The following TMEM216 variants were observed in gnomAD, a reference collection of about 807,000 sequenced individuals.
The protein encoded by TMEM216 is transmembrane protein 216.
A neutral mutation model predicts 17.8 loss-of-function variants in TMEM216; 15 were observed. That is an observed-to-expected ratio of 0.84 (90% CI 0.56 to 1.30). The LOEUF (loss-of-function observed/expected upper bound fraction) is 1.30, where lower values mean the gene tolerates loss of function less well. Ranked by LOEUF, TMEM216 falls within the 50% of genes most tolerant of loss-of-function variation. The pLI is 0.00. For synonymous variants in TMEM216, 58 were observed against 73.5 expected (o/e 0.79, Z 1.08); for missense variants, 160 against 175.7 (o/e 0.91, Z 0.51).
intron 3 of TMEM216, chr11:61,394,404 C>G (rs1200453583): frequency 6.4e-6 from 1 of 155,606 alleles, no homozygotes; most frequent in East Asian, 1.9e-4. Flanking sequence ...GAGTCTCACT[C>G]TGTCCCCAGG....
At position 61,398,356 on chromosome 11, in the gene TMEM216, T is replaced by A. The variant is rs373502944; in HGVS notation, c.*80T>A. 8 of 1,475,996 alleles carry A rather than the reference T, an allele frequency of 5.4e-6. No homozygotes were observed. In the South Asian group the frequency reaches 5.9e-5, roughly 11 times the overall value. The allele number at this position is 1,475,996 out of a possible 1,614,324, so 91.4% of individuals were successfully genotyped here. A position where few individuals can be genotyped will look rare whatever the true frequency, so the allele number is the denominator to read the frequency against. On this transcript the variant is annotated 3_prime_UTR_variant, in exon 5 of 5. Coordinates refer to ENST00000515837, the MANE Select transcript of TMEM216 (RefSeq NM_001173990.3). ...GGTACTTTAGCCACACCAGTGAGAA[T>A]TGGTGGGGCAAGTTGTCCTGAGAAA...
chr11:61,393,178 C>A, intron 1 of TMEM216, 53 bp from the exon 2 acceptor site: 2 of 1,374,828 alleles, frequency 1.5e-6, no homozygotes, highest in Non-Finnish European at 2.0e-6. Flanking sequence ...CCCATACGAG[C>A]AGAGAGGGAG....
Position 61,398,382 on chromosome 11 carries a change from G to A in TMEM216, c.*106G>A. 2 of 1,244,228 alleles carry A rather than the reference G, an allele frequency of 1.6e-6. No individual in the cohort carries two copies. The highest frequency in any genetic ancestry group is 1.1e-6 in the Non-Finnish European group (1 of 877,206). The allele number at this position is 1,244,228 out of a possible 1,614,324, so 77.1% of individuals were successfully genotyped here. A position where few individuals can be genotyped will look rare whatever the true frequency, so the allele number is the denominator to read the frequency against. On this transcript the variant is annotated 3_prime_UTR_variant, in exon 5 of 5. Coordinates refer to ENST00000515837, the MANE Select transcript of TMEM216 (RefSeq NM_001173990.3). ...TGGTGGGGCAAGTTGTCCTGAGAAAGGCTGTGTGGCTTTTCTTCAGCACAG... is the reference window on the plus strand; with the variant it reads ...TGGTGGGGCAAGTTGTCCTGAGAAAAGCTGTGTGGCTTTTCTTCAGCACAG...
chr11:61,396,782 C>T (rs1447451935), intron 3 of TMEM216, among the ~76,000 whole-genome samples: 2 of 148,502 alleles, frequency 1.3e-5, no homozygotes, highest in East Asian at 3.9e-4. Context: ...TGACAAGAAA[C>T]TCCGTCTCAA....
chr11:61,397,659 C>A (rs1204287320), intron 3 of TMEM216, 115 bp from the exon 4 acceptor site: 2 of 882,534 alleles, frequency 2.3e-6, no homozygotes, highest in Non-Finnish European at 3.6e-6. Flanking sequence ...AATCTGCACA[C>A]CCCCACTCAG....
Position 61,392,647 on chromosome 11 carries a change from C to T in TMEM216, c.16C>T (p.Leu6=), listed in dbSNP as rs767812535. The part of the protein sequence containing the change: MLPRG[L]KMAPRGKRLS... ...GTGGCAGCGTATGCTGCCACGGGGA[C>T]TGAAGATGGCGCCGCGAGGTGAGAT... The change falls in exon 1 of 5, where the codon CTG becomes TTG. Residue 6 remains leucine, a synonymous_variant. Transcript: ENST00000515837. 1 of 1,535,980 alleles carries T rather than the reference C, an allele frequency of 6.5e-7. No homozygotes were observed. Among genetic ancestry groups the T allele is most frequent in the Non-Finnish European group, 8.7e-7 (1 of 1,146,912 alleles).
In TMEM216 at chr11:61,398,622, T is replaced by C. The variant is rs1858855829; in HGVS notation, c.*346T>C. 3.2e-6 allele frequency: 1 copy of C among 313,972 alleles called. No homozygotes were observed. The highest frequency in any genetic ancestry group is 5.9e-6 in the Non-Finnish European group (1 of 169,450). 19.4% of individuals were successfully genotyped at this position (313,972 alleles called of 1,614,324 possible). On this transcript the variant is annotated 3_prime_UTR_variant, in exon 5 of 5. Transcript: ENST00000515837. ...TGTGGACCATCTAGGCTCCTTGGGCTTCAAGCAGGACCTGAGCCACATGCT... is the reference window on the plus strand; with the variant it reads ...TGTGGACCATCTAGGCTCCTTGGGCCTCAAGCAGGACCTGAGCCACATGCT...
chr11:61,393,126 C>G (rs1041634578), intron 1 of TMEM216, 105 bp from the exon 2 acceptor site: 2 of 894,190 alleles, frequency 2.2e-6, no homozygotes, highest in Non-Finnish European at 3.3e-6. Flanking sequence ...GTGGCCGGTC[C>G]CATTAGTTGC....
Position 61,392,591 on chromosome 11 carries a change from C to G in TMEM216, c.-41C>G. 4 of 1,532,206 alleles carry G rather than the reference C, an allele frequency of 2.6e-6. No homozygotes were observed. Among genetic ancestry groups the G allele is most frequent in the Non-Finnish European group, 3.5e-6 (4 of 1,144,458 alleles). 94.9% of individuals were successfully genotyped at this position (1,532,206 alleles called of 1,614,324 possible). A position where few individuals can be genotyped will look rare whatever the true frequency, so the allele number is the denominator to read the frequency against. On this transcript the variant is annotated 5_prime_UTR_variant, in exon 1 of 5. Coordinates refer to ENST00000515837, the MANE Select transcript of TMEM216 (RefSeq NM_001173990.3). Reference sequence around the variant, plus strand: ...AACCCAGGCCGCTTCGTCCCTGTTTCCGGCAGCGCCGCGCTGCTCCGGGAG... The same window carrying G: ...AACCCAGGCCGCTTCGTCCCTGTTTGCGGCAGCGCCGCGCTGCTCCGGGAG...
At chr11:61,392,698 C>T (rs1281870888) in intron 1 of TMEM216, 33 bp downstream of exon 1, 2 of 1,536,068 alleles carry the variant, frequency 1.3e-6, no homozygotes, top group Non-Finnish European at 1.7e-6. Context: ...GTCGCTGGTC[C>T]CTTTCCCTTC....
chr11:61,397,858 A>G lies in TMEM216; in HGVS notation c.314A>G (p.Tyr105Cys). Residue 105 changes from tyrosine to cysteine, a missense_variant, in exon 4 of 5, where the codon TAT becomes TGT. Tyr to Cys is a radical substitution (Grantham distance 194). Transcript: ENST00000515837. ...LTFPSAMMAS[Y>C]YLLLQTYVLR... ...TTCCCATCTGCCATGATGGCCTCCT[A>G]TTACCTGCTGCTGCAGACCTACGTA... 1.2e-6 allele frequency: 2 copies of G among 1,613,900 alleles called. No individual in the cohort carries two copies. Among genetic ancestry groups the G allele is most frequent in the Non-Finnish European group, 1.7e-6 (2 of 1,179,870 alleles).
chr11:61,394,723 G>C (rs1477942560), intron 3 of TMEM216, among the ~76,000 whole-genome samples: 1 of 145,172 alleles, frequency 6.9e-6, no homozygotes, highest in Non-Finnish European at 1.5e-5. Flanking sequence ...CTGGAGTGCA[G>C]TGGCACCATC....
At position 61,393,660 on chromosome 11, in the gene TMEM216, G is replaced by T. The variant is rs997214395; in HGVS notation, c.137-224G>T. On this transcript the variant is annotated intron_variant, in intron 2 of 4. Coordinates refer to ENST00000515837, the MANE Select transcript of TMEM216 (RefSeq NM_001173990.3). ...TACCCATGTACATCCAATCATTTTG[G>T]AGAGTGGAGTCCCCAGAGACTTTTG... Among the ~76,000 whole-genome samples the T allele has an allele frequency of 6.6e-6, 1 of 152,176 alleles. No individual in the cohort carries two copies. Among genetic ancestry groups the T allele is most frequent in the South Asian group, 2.1e-4 (1 of 4,828 alleles).
intron 3 of TMEM216, among the ~76,000 whole-genome samples, chr11:61,395,755 C>A (rs1233082849): frequency 1.3e-5 from 2 of 151,054 alleles, no homozygotes; most frequent in African/African-American, 4.9e-5. Flanking sequence ...TGGTAAGGGA[C>A]ATTAATGGCA....
intron 3 of TMEM216, among the ~76,000 whole-genome samples, chr11:61,394,915 T>C (rs1219360032): frequency 1.3e-5 from 2 of 152,214 alleles, no homozygotes; most frequent in African/African-American, 4.8e-5. Context: ...TCCACCCGCC[T>C]TGGCCTCCCA....
Position 61,396,960 on chromosome 11 carries a change from G to A in TMEM216, c.230-814G>A, listed in dbSNP as rs368516393. Among the ~76,000 whole-genome samples the A allele has an allele frequency of 2.6e-5, 4 of 151,722 alleles. No homozygotes were observed. The East Asian group carries it at 7.7e-4, about 29-fold the overall frequency. On this transcript the variant is annotated intron_variant, in intron 3 of 4. Coordinates refer to ENST00000515837, the MANE Select transcript of TMEM216 (RefSeq NM_001173990.3). The stretch of plus-strand genomic sequence containing the variant: ...AAAAAAAAAAAATTAAGGTAGCTAT[G>A]TGTGTGGAAAAATGTTTGTGGGGGA...
chr11:61,392,827 C>A, intron 1 of TMEM216, 162 bp downstream of exon 1: 2 of 1,501,090 alleles, frequency 1.3e-6, no homozygotes, highest in Non-Finnish European at 1.8e-6. Context: ...ACCCTGGGTG[C>A]CTGAAGGTCT....
At chr11:61,394,236 T>C in intron 3 of TMEM216, 1 of 458,926 alleles carries the variant, frequency 2.2e-6, no homozygotes, top group Non-Finnish European at 4.0e-6. Context: ...GCAAGAAGAG[T>C]GCTTGGTTCT....
Position 61,393,329 on chromosome 11 carries a change from AAAGGT to A in TMEM216, c.136+2_136+6del. 1 of 1,531,376 alleles carries A rather than the reference AAAGGT, an allele frequency of 6.5e-7. No individual in the cohort carries two copies. Among genetic ancestry groups the A allele is most frequent in the Non-Finnish European group, 8.8e-7 (1 of 1,142,610 alleles). The allele number at this position is 1,531,376 out of a possible 1,614,324, so 94.9% of individuals were successfully genotyped here. A position where few individuals can be genotyped will look rare whatever the true frequency, so the allele number is the denominator to read the frequency against. On this transcript the variant is annotated splice_donor_variant and coding_sequence_variant, in exon 2 of 5. Coordinates refer to ENST00000515837, the MANE Select transcript of TMEM216 (RefSeq NM_001173990.3). LOFTEE classifies it high-confidence loss of function. ...GCTGGAACTTTTCATATTTCTGTAT[AAAGGT>A]AAGGAAGGCTTGGGGCTTGACGACA...
Sources: gnomAD v4.1 joint callset for allele counts (sites outside exome capture counted in the v4.1 genomes callset) on GRCh38, gnomAD v4.1.1 for gene constraint, MANE v1.5 for transcripts, NCBI Gene and HGNC (gene_info 2026-07-23, HGNC 2026-07-21) for gene names.